Variants in CDH12 observed in about 807,000 individuals in gnomAD.
CDH12 encodes the protein cadherin-12.
CDH12 carries 41 observed loss-of-function variants against 74.1 expected under a neutral mutation model. The ratio of observed to expected loss-of-function variants is 0.55; its 90% confidence interval spans 0.43 to 0.72. The LOEUF is 0.72. Among genes scored for constraint, CDH12 ranks in the 30% least tolerant of loss-of-function variants. The pLI, the probability that CDH12 is intolerant of heterozygous loss-of-function variation, is 0.00. For synonymous variants in CDH12, 399 were observed against 355.0 expected, an observed-to-expected ratio of 1.12 and a Z score of -1.39; for missense variants, 945 against 977.2, an observed-to-expected ratio of 0.97 and a Z score of 0.44.
intron 4 of CDH12, among the ~76,000 whole-genome samples, chr5:22,173,407 TAATAAATATTA>T (rs1232255684): frequency 1.7e-5 from 2 of 118,694 alleles, no homozygotes; most frequent in African/African-American, 5.3e-5. Flanking sequence ...TAATAAATAT[TAATAAATATTA>T]AATAAATATT....
intron 1 of CDH12, among the ~76,000 whole-genome samples, chr5:22,822,702 A>G (rs1322209667): frequency 1.3e-5 from 2 of 152,240 alleles, no homozygotes; most frequent in African/African-American, 4.8e-5. Flanking sequence ...CACACCAGTC[A>G]GAATGGCAAT....
At chr5:22,060,558 GC>G (rs1269065657) in intron 5 of CDH12, among the ~76,000 whole-genome samples, 1 of 152,084 alleles carries the variant, frequency 6.6e-6, no homozygotes. Context: ...CAGTAAGCTG[GC>G]AAAGGAAGAT....
At chr5:22,743,314 G>A (rs533193878) in intron 1 of CDH12, among the ~76,000 whole-genome samples, 5 of 148,170 alleles carry the variant, frequency 3.4e-5, no homozygotes, top group South Asian at 2.1e-4. Flanking sequence ...ATATGTATAT[G>A]TATATATGCA....
chr5:22,049,035 A>G (rs887403127), intron 5 of CDH12, among the ~76,000 whole-genome samples: 4 of 152,102 alleles, frequency 2.6e-5, no homozygotes, highest in Non-Finnish European at 5.9e-5. Flanking sequence ...TGTTGCTTAT[A>G]TTTATGCCTG....
chr5:22,297,021 G>T (rs1737657547), intron 3 of CDH12, among the ~76,000 whole-genome samples: 1 of 151,498 alleles, frequency 6.6e-6, no homozygotes, highest in South Asian at 2.1e-4. Flanking sequence ...TATCGTTGTT[G>T]TTGTTGTTGT....
At chr5:22,787,088 C>T (rs531595266) in intron 1 of CDH12, among the ~76,000 whole-genome samples, 2 of 151,776 alleles carry the variant, frequency 1.3e-5, no homozygotes, top group Non-Finnish European at 2.9e-5. Context: ...GGTCCTCCAG[C>T]AATTCACTGA....
At chr5:22,839,112 C>T (rs1448935955) in intron 1 of CDH12, among the ~76,000 whole-genome samples, 1 of 152,060 alleles carries the variant, frequency 6.6e-6, no homozygotes, top group South Asian at 2.1e-4. Context: ...CTTTCTATTG[C>T]TTTCTTGATG....
intron 11 of CDH12, chr5:21,779,191 GTTATA>G (rs905940106): frequency 4.6e-5 from 7 of 151,872 alleles, no homozygotes; most frequent in African/African-American, 1.7e-4. Context: ...GTTATGTTTA[GTTATA>G]TTTATTTATT....
At chr5:21,854,889 T>G in intron 6 of CDH12, 99 bp from the exon 7 acceptor site, 1 of 1,011,074 alleles carries the variant, frequency 9.9e-7, no homozygotes, top group South Asian at 1.7e-5. Flanking sequence ...GTATTTGACC[T>G]ACGTCAAGTA....
chr5:22,166,606 T>G (rs928842463), intron 4 of CDH12, among the ~76,000 whole-genome samples: 8 of 152,228 alleles, frequency 5.3e-5, no homozygotes, highest in Non-Finnish European at 8.8e-5. Flanking sequence ...CACTGCCAGT[T>G]TCTTATATGG....
chr5:22,219,371 C>T (rs903048806), intron 3 of CDH12, among the ~76,000 whole-genome samples: 4 of 151,588 alleles, frequency 2.6e-5, no homozygotes, highest in African/African-American at 9.7e-5. Flanking sequence ...TTCATGGTGA[C>T]TCTATTAACC....
chr5:22,364,938 G>C (rs1740967629), intron 3 of CDH12, among the ~76,000 whole-genome samples: 1 of 152,130 alleles, frequency 6.6e-6, no homozygotes, highest in Admixed American at 6.6e-5. Flanking sequence ...ACTCATCAAA[G>C]AAAGACAGCA....
At chr5:22,804,403 G>A (rs563878142) in intron 1 of CDH12, among the ~76,000 whole-genome samples, 1 of 152,050 alleles carries the variant, frequency 6.6e-6, no homozygotes, top group South Asian at 2.1e-4. Context: ...AGAAGGATGG[G>A]GGGGAGATTT....
At chr5:21,824,223 C>T (rs1191218967) in intron 8 of CDH12, among the ~76,000 whole-genome samples, 1 of 151,956 alleles carries the variant, frequency 6.6e-6, no homozygotes, top group African/African-American at 2.4e-5. Flanking sequence ...TTTTCATCAT[C>T]TCCTTTCCTG....
At chr5:21,949,053 A>G (rs59122770) in intron 6 of CDH12, among the ~76,000 whole-genome samples, 2 of 152,214 alleles carry the variant, frequency 1.3e-5, no homozygotes, top group African/African-American at 2.4e-5. Flanking sequence ...GAATTACCCA[A>G]TCTCAGGTAG....
chr5:22,192,593 G>A (rs979574778), intron 4 of CDH12, among the ~76,000 whole-genome samples: 3 of 151,930 alleles, frequency 2.0e-5, no homozygotes, highest in Admixed American at 1.3e-4. Context: ...GGGTGTGTGT[G>A]TGTACATTTG....
Position 21,941,154 on chromosome 5 carries a change from AT to A in CDH12, c.526+33936del, listed in dbSNP as rs200766373. 2.6e-4 allele frequency among the ~76,000 whole-genome samples: 39 copies of A among 152,234 alleles called. No individual in the cohort carries two copies. In the East Asian group the frequency reaches 4.3e-3, roughly 17 times the overall value. ...ATTTTAGCTACTAGAAGCAGCACTAATTTGCAATATCTTTCTAAGACTATCT... is the reference window on the plus strand; with the variant it reads ...ATTTTAGCTACTAGAAGCAGCACTAATTGCAATATCTTTCTAAGACTATCT... On this transcript the variant is annotated intron_variant, in intron 6 of 14. Coordinates refer to ENST00000382254, the MANE Select transcript of CDH12 (RefSeq NM_004061.5).
intron 8 of CDH12, among the ~76,000 whole-genome samples, chr5:21,818,058 A>AT (rs1476798505): frequency 1.3e-5 from 2 of 152,040 alleles, no homozygotes; most frequent in African/African-American, 4.8e-5. Context: ...TAAAGCAAAT[A>AT]TTAATGAGTT....
chr5:21,997,561 A>T (rs1736368381), intron 5 of CDH12, among the ~76,000 whole-genome samples: 1 of 152,156 alleles, frequency 6.6e-6, no homozygotes, highest in Non-Finnish European at 1.5e-5. Flanking sequence ...TACATTACAC[A>T]GTTTGAAGTA....
Sources: allele counts gnomAD v4.1 joint callset (sites outside exome capture counted in the v4.1 genomes callset), GRCh38; gene constraint gnomAD v4.1.1; transcripts MANE v1.5; gene names NCBI Gene and HGNC (gene_info 2026-07-23, HGNC 2026-07-21).